ELF2: variants seen among roughly 807,000 people sequenced by gnomAD.
The protein encoded by ELF2 is E74 like ETS transcription factor 2, also known as ETS-related transcription factor Elf-2.
Under a neutral mutation model 54.8 loss-of-function variants are expected in ELF2, and 11 were observed. The ratio of observed to expected loss-of-function variants is 0.20; its 90% confidence interval spans 0.13 to 0.33. The LOEUF (loss-of-function observed/expected upper bound fraction) is 0.33, where lower values mean the gene tolerates loss of function less well. ELF2 is among the 10% of genes least tolerant of loss of function. ELF2 has a pLI of 1.00. For synonymous variants in ELF2, 203 were observed against 245.1 expected (o/e 0.83, Z 1.61); for missense variants, 513 against 703.0 (o/e 0.73, Z 3.06).
At chr4:139,126,032 G>A (rs1736882888) in intron 3 of ELF2, among the ~76,000 whole-genome samples, 1 of 152,094 alleles carries the variant, frequency 6.6e-6, no homozygotes, top group Non-Finnish European at 1.5e-5. Context: ...TGTCCAACTA[G>A]CTTTTTAGTC....
chr4:139,173,689 C>T (rs1478644048), intron 1 of ELF2, among the ~76,000 whole-genome samples: 1 of 141,032 alleles, frequency 7.1e-6, no homozygotes, highest in African/African-American at 2.7e-5. Flanking sequence ...ACCCGAGAGG[C>T]GGAGGTTGCA....
intron 4 of ELF2, among the ~76,000 whole-genome samples, chr4:139,097,599 G>A (rs564887571): frequency 1.3e-5 from 2 of 148,232 alleles, no homozygotes; most frequent in African/African-American, 5.0e-5. Context: ...CCTGGGTGAC[G>A]GAGCAAGACT....
At chr4:139,083,434 G>C (rs1052244461) in intron 4 of ELF2, among the ~76,000 whole-genome samples, 2 of 152,194 alleles carry the variant, frequency 1.3e-5, no homozygotes, top group African/African-American at 4.8e-5. Context: ...AATGAGCAAA[G>C]GGAGGCGGGC....
intron 1 of ELF2, among the ~76,000 whole-genome samples, chr4:139,141,845 C>T (rs1201936391): frequency 2.0e-5 from 3 of 152,178 alleles, no homozygotes; most frequent in Non-Finnish European, 2.9e-5. Flanking sequence ...TCTACTCCTA[C>T]AGCTTCACTC....
At position 139,165,460 on chromosome 4, in the gene ELF2, C is replaced by G. The variant is rs536269688; in HGVS notation, c.-252+11507G>C. On this transcript the variant is annotated intron_variant, in intron 1 of 9. Transcript: ENST00000686138. ...GGATGGATCACCTGAGGTCAGAGTT[C>G]GAGACCAACCTGACCAACATGGAGA... Among the ~76,000 whole-genome samples, 29 of 152,042 alleles carry G rather than the reference C, an allele frequency of 1.9e-4. No individual in the cohort carries two copies. In the East Asian group the frequency reaches 2.9e-3, roughly 15 times the overall value.
In ELF2 at chr4:139,060,587, G is replaced by A; in HGVS notation, c.894C>T (p.Val298=). The change falls in exon 9 of 10, where the codon GTC becomes GTT. Residue 298 remains valine (V), a synonymous_variant. Transcript: ENST00000686138. The part of the protein sequence containing the change: ...QFKDMPKNIV[V]IDDDKSETCN... ...AGGTTTCACTTTTGTCATCATCTAT[G>A]ACCACTATGTTTTTCGGCATATCCT... 6.2e-7 allele frequency: 1 copy of A among 1,614,072 alleles called. No individual in the cohort carries two copies. Among genetic ancestry groups the A allele is most frequent in the Non-Finnish European group, 8.5e-7 (1 of 1,180,022 alleles).
Position 139,059,250 on chromosome 4 carries a change from T to A in ELF2, c.1515A>T (p.Thr505=). Residue 505 remains threonine, a synonymous_variant, in exon 10 of 10, where the codon ACA becomes ACT. Transcript: ENST00000686138. ...TAGGCATTGATAGTCTCATTACAGG[T>A]GTACCATGGGCTATTGAAACAGGGG... ...ALTPVSIAHG[T]PVMRLSMPTQ... The A allele has an allele frequency of 6.2e-7, 1 of 1,613,912 alleles. No homozygotes were observed. Among genetic ancestry groups the A allele is most frequent in the South Asian group, 1.1e-5 (1 of 91,074 alleles).
At chr4:139,125,633 A>T (rs1736838229) in intron 3 of ELF2, among the ~76,000 whole-genome samples, 1 of 151,940 alleles carries the variant, frequency 6.6e-6, no homozygotes, top group South Asian at 2.1e-4. Context: ...ACAGTAAAAG[A>T]CTCTTTTATA....
Position 139,057,675 on chromosome 4 carries a change from TTCA to T in ELF2, c.*1305_*1307del, listed in dbSNP as rs981642508. On this transcript the variant is annotated 3_prime_UTR_variant, in exon 10 of 10. Transcript: ENST00000686138. ...CATTACGTTAAGCAGAACATTATAG[TTCA>T]TCATAATTAGAAAGAAACTGGCAAC... 2 of 152,206 alleles carry T rather than the reference TTCA, an allele frequency of 1.3e-5. No individual in the cohort carries two copies. The highest frequency in any genetic ancestry group is 2.9e-5 in the Non-Finnish European group (2 of 68,032). The allele number at this position is 152,206 out of a possible 1,614,324, so 9.4% of individuals were successfully genotyped here. A position where few individuals can be genotyped will look rare whatever the true frequency, so the allele number is the denominator to read the frequency against.
intron 1 of ELF2, among the ~76,000 whole-genome samples, chr4:139,147,847 C>T (rs1193697508): frequency 1.4e-5 from 2 of 146,210 alleles, no homozygotes; most frequent in African/African-American, 5.1e-5. Context: ...AGTGCAATGG[C>T]ACGATCTCGG....
In ELF2 at chr4:139,167,822, T is replaced by C. The variant is rs147097932; in HGVS notation, c.-252+9145A>G. Among the ~76,000 whole-genome samples, 15 of 152,316 alleles carry C rather than the reference T, an allele frequency of 9.8e-5. No individual in the cohort carries two copies. In the East Asian group the frequency reaches 2.5e-3, roughly 25 times the overall value. ...ATGCCTTAACCAGAGACATTCAAAC[T>C]GCAAACCAGGATGAGAAGTCGATGG... is the stretch of plus-strand genomic sequence containing the variant. On this transcript the variant is annotated intron_variant, in intron 1 of 9. Coordinates refer to ENST00000686138, the MANE Select transcript of ELF2 (RefSeq NM_001331036.3).
chr4:139,075,893 G>A (rs1010765596), intron 4 of ELF2, among the ~76,000 whole-genome samples: 4 of 152,144 alleles, frequency 2.6e-5, no homozygotes, highest in Non-Finnish European at 5.9e-5. Context: ...GAATATTTAA[G>A]AGTCTCTAAC....
chr4:139,169,033 G>A (rs948282524), intron 1 of ELF2, among the ~76,000 whole-genome samples: 8 of 152,160 alleles, frequency 5.3e-5, no homozygotes, highest in Non-Finnish European at 1.0e-4. Context: ...CCCGGGCATG[G>A]TGGCTCACGC....
chr4:139,069,263 T>C (rs1210896699), intron 6 of ELF2, among the ~76,000 whole-genome samples: 1 of 152,194 alleles, frequency 6.6e-6, no homozygotes, highest in Non-Finnish European at 1.5e-5. Context: ...AAGCATTAGA[T>C]TAATTATATA....
chr4:139,175,354 T>C (rs1461844491), intron 1 of ELF2, among the ~76,000 whole-genome samples: 1 of 152,208 alleles, frequency 6.6e-6, no homozygotes, highest in Non-Finnish European at 1.5e-5. Context: ...TCACTAAACT[T>C]AAAAATAGGT....
At chr4:139,064,995 C>T (rs1281369435) in intron 7 of ELF2, among the ~76,000 whole-genome samples, 39 of 152,210 alleles carry the variant, frequency 2.6e-4, no homozygotes, top group Admixed American at 2.4e-3. Context: ...ACTATTAAAA[C>T]AAACCATGTA....
chr4:139,110,629 T>A (rs1043880686), intron 4 of ELF2, among the ~76,000 whole-genome samples: 1 of 152,216 alleles, frequency 6.6e-6, no homozygotes, highest in Non-Finnish European at 1.5e-5. Flanking sequence ...TAAGTGGCAT[T>A]CTAGTTCTTG....
At chr4:139,070,774 C>T (rs924737305) in intron 6 of ELF2, among the ~76,000 whole-genome samples, 1 of 152,174 alleles carries the variant, frequency 6.6e-6, no homozygotes, top group African/African-American at 2.4e-5. Context: ...TCTTGAGATG[C>T]ATATAATCTA....
chr4:139,113,163 G>A (rs1735156247), intron 4 of ELF2, among the ~76,000 whole-genome samples: 1 of 151,968 alleles, frequency 6.6e-6, no homozygotes, highest in Non-Finnish European at 1.5e-5. Flanking sequence ...TATGAGACCA[G>A]CCTGGGCAAC....
Sources: allele counts gnomAD v4.1 joint callset (sites outside exome capture counted in the v4.1 genomes callset), GRCh38; gene constraint gnomAD v4.1.1; transcripts MANE v1.5; gene names NCBI Gene and HGNC (gene_info 2026-07-23, HGNC 2026-07-21).